The following ARB2A variants were observed in gnomAD, a reference collection of about 807,000 sequenced individuals.
The protein encoded by ARB2A is cotranscriptional regulator ARB2A.
the ARB2A span, among the ~76,000 whole-genome samples, chr5:93,776,485 T>C: frequency 2.0e-5 from 3 of 152,162 alleles, no homozygotes; most frequent in South Asian, 2.1e-4. Flanking sequence ...GATATTAAGA[T>C]GACATGTAAG....
At chr5:94,098,882 G>C in the ARB2A span, among the ~76,000 whole-genome samples, 1 of 152,128 alleles carries the variant, frequency 6.6e-6, no homozygotes, top group African/African-American at 2.4e-5. Context: ...ACCTAGATGT[G>C]ATGGATATAT....
the ARB2A span, among the ~76,000 whole-genome samples, chr5:93,761,343 G>A: frequency 5.9e-5 from 9 of 152,260 alleles, no homozygotes; most frequent in Middle Eastern, 3.4e-3. Context: ...CTGGAAAATC[G>A]GGTCACTCTC....
At chr5:93,643,086 T>A in the ARB2A span, among the ~76,000 whole-genome samples, 60 of 152,300 alleles carry the variant, frequency 3.9e-4, 2 homozygotes, top group African/African-American at 1.4e-3. Context: ...ACAGACAATA[T>A]CCATTAGACA....
the ARB2A span, among the ~76,000 whole-genome samples, chr5:93,746,904 T>C: frequency 6.6e-6 from 1 of 152,164 alleles, no homozygotes; most frequent in African/African-American, 2.4e-5. Flanking sequence ...ATAGACAAAG[T>C]TTAAAGGCTC....
chr5:93,651,281 G>A, the ARB2A span, among the ~76,000 whole-genome samples: 4 of 152,026 alleles, frequency 2.6e-5, no homozygotes, highest in African/African-American at 4.8e-5. Flanking sequence ...GACTACAGGT[G>A]TGTACCACTA....
the ARB2A span, among the ~76,000 whole-genome samples, chr5:93,936,085 G>T: frequency 6.6e-6 from 1 of 152,106 alleles, no homozygotes. Flanking sequence ...ATGTCTAGAA[G>T]TAGTAACAAA....
chr5:93,875,489 C>A, the ARB2A span, among the ~76,000 whole-genome samples: 5 of 152,108 alleles, frequency 3.3e-5, no homozygotes, highest in African/African-American at 1.2e-4. Context: ...ATTTGGCCTC[C>A]CAAAGTGCTG....
At chr5:93,885,048 A>C in the ARB2A span, among the ~76,000 whole-genome samples, 1 of 151,558 alleles carries the variant, frequency 6.6e-6, no homozygotes, top group Non-Finnish European at 1.5e-5. Flanking sequence ...AGTAAAACAA[A>C]GCAAAGACAA....
chr5:93,675,513 T>C, the ARB2A span, among the ~76,000 whole-genome samples: 2 of 152,132 alleles, frequency 1.3e-5, no homozygotes, highest in African/African-American at 4.8e-5. Flanking sequence ...AGTGATTGAG[T>C]TGAAAAAACA....
At chr5:93,786,120 T>G in the ARB2A span, among the ~76,000 whole-genome samples, 3 of 152,214 alleles carry the variant, frequency 2.0e-5, no homozygotes, top group Admixed American at 1.3e-4. Context: ...AAGGATATGT[T>G]TGCGTTTTAA....
the ARB2A span, among the ~76,000 whole-genome samples, chr5:93,759,517 A>G: frequency 2.0e-5 from 3 of 152,172 alleles, no homozygotes; most frequent in Admixed American, 2.0e-4. Context: ...TAGCTAACCA[A>G]TCCAATAACA....
chr5:93,706,825 C>A, the ARB2A span, among the ~76,000 whole-genome samples: 117 of 149,874 alleles, frequency 7.8e-4, no homozygotes, highest in Non-Finnish European at 1.3e-3. Context: ...GAGATTGCGC[C>A]ACTGCACCCT....
the ARB2A span, among the ~76,000 whole-genome samples, chr5:94,044,349 T>G: frequency 1.3e-5 from 2 of 152,212 alleles, no homozygotes; most frequent in Admixed American, 6.5e-5. Flanking sequence ...AATTGAACAC[T>G]TACTAATATT....
chr5:93,829,296 T>C, the ARB2A span, among the ~76,000 whole-genome samples: 1 of 152,108 alleles, frequency 6.6e-6, no homozygotes, highest in African/African-American at 2.4e-5. Flanking sequence ...AGTAACCTAA[T>C]TGGGCCCTAT....
chr5:94,102,890 A>G, the ARB2A span, among the ~76,000 whole-genome samples: 1 of 152,168 alleles, frequency 6.6e-6, no homozygotes, highest in Non-Finnish European at 1.5e-5. Flanking sequence ...AGGAAATTCT[A>G]ACCAAGAATT....
chr5:93,704,304 C>T, the ARB2A span, among the ~76,000 whole-genome samples: 1 of 152,300 alleles, frequency 6.6e-6, no homozygotes, highest in African/African-American at 2.4e-5. Context: ...AAACTTATAA[C>T]TCTTGCCTGT....
the ARB2A span, among the ~76,000 whole-genome samples, chr5:93,694,951 T>C: frequency 0.025 from 3,733 of 152,260 alleles, 60 homozygotes; most frequent in Non-Finnish European, 0.038. Flanking sequence ...GGATACCCTA[T>C]TTAATAAATG....
At chr5:93,713,089 A>C in the ARB2A span, among the ~76,000 whole-genome samples, 1 of 152,220 alleles carries the variant, frequency 6.6e-6, no homozygotes, top group South Asian at 2.1e-4. Context: ...CTAAGAGCCA[A>C]AACTATGAGC....
chr5:93,920,807 T>G, the ARB2A span, among the ~76,000 whole-genome samples: 3 of 152,110 alleles, frequency 2.0e-5, no homozygotes, highest in Non-Finnish European at 2.9e-5. Context: ...TTCGTAGCCA[T>G]CTCCTTTGCT....
Sources: gnomAD v4.1 joint callset for allele counts (sites outside exome capture counted in the v4.1 genomes callset) on GRCh38, gnomAD v4.1.1 for gene constraint, MANE v1.5 for transcripts, NCBI Gene and HGNC (gene_info 2026-07-23, HGNC 2026-07-21) for gene names.